The following EIF4EBP2 variants were observed in gnomAD, a reference collection of about 807,000 sequenced individuals.
EIF4EBP2 encodes eukaryotic translation initiation factor 4E-binding protein 2.
In EIF4EBP2, 5 loss-of-function variants were observed where a neutral mutation model predicts 10.3. That is an observed-to-expected ratio of 0.48 (90% confidence interval 0.25 to 1.02). The LOEUF is 1.02. Among genes scored for constraint, EIF4EBP2 ranks in the 50% least tolerant of loss-of-function variants. The pLI, the probability that EIF4EBP2 is intolerant of heterozygous loss-of-function variation, is 0.15. For synonymous variants in EIF4EBP2, 67 were observed against 61.1 expected (o/e 1.10, Z -0.45); for missense variants, 188 against 162.2 (o/e 1.16, Z -0.86).
In EIF4EBP2 at chr10:70,427,691, A is replaced by G. The variant is rs1362864431; in HGVS notation, c.*5944A>G. On this transcript the variant is annotated 3_prime_UTR_variant, in exon 3 of 3. Transcript: ENST00000373218. ...TCTGCCTGCAGCCCTGGCAGACCATACTGTATGTCATGGATACCCAGTGGA... is the reference window on the plus strand; with the variant it reads ...TCTGCCTGCAGCCCTGGCAGACCATGCTGTATGTCATGGATACCCAGTGGA... 1 of 152,094 alleles carries G rather than the reference A, an allele frequency of 6.6e-6. No homozygotes were observed. Among genetic ancestry groups the G allele is most frequent in the Non-Finnish European group, 1.5e-5 (1 of 68,010 alleles). The allele number at this position is 152,094 out of a possible 1,614,324, so 9.4% of individuals were successfully genotyped here.
At chr10:70,421,507 C>T (rs1367005762) in intron 2 of EIF4EBP2, among the ~76,000 whole-genome samples, 1 of 152,092 alleles carries the variant, frequency 6.6e-6, no homozygotes, top group Non-Finnish European at 1.5e-5. Context: ...TGTCCTTTTC[C>T]CCAAAACTTC....
intron 1 of EIF4EBP2, among the ~76,000 whole-genome samples, chr10:70,416,665 ATTTTT>A (rs55809354): frequency 2.0e-5 from 2 of 101,336 alleles, no homozygotes; most frequent in African/African-American, 3.6e-5. Flanking sequence ...TAATTTTTTA[ATTTTT>A]TTTTTTTTTT....
chr10:70,418,206 G>T (rs1008164961), intron 1 of EIF4EBP2, among the ~76,000 whole-genome samples: 1 of 152,166 alleles, frequency 6.6e-6, no homozygotes, highest in African/African-American at 2.4e-5. Flanking sequence ...CCATGTAAGG[G>T]ACACAAAGAG....
intron 1 of EIF4EBP2, among the ~76,000 whole-genome samples, chr10:70,416,633 A>G (rs1318579260): frequency 6.7e-6 from 1 of 148,428 alleles, no homozygotes; most frequent in Non-Finnish European, 1.5e-5. Context: ...TAGAGTTACC[A>G]TATGACCCAG....
intron 1 of EIF4EBP2, among the ~76,000 whole-genome samples, chr10:70,417,955 T>C (rs77878721): frequency 0.015 from 2,354 of 152,308 alleles, 78 homozygotes; most frequent in East Asian, 0.12. Context: ...AAGTTGCTGA[T>C]TTCCAAACCC....
intron 1 of EIF4EBP2, among the ~76,000 whole-genome samples, chr10:70,409,542 AT>A (rs1041101730): frequency 6.6e-6 from 1 of 152,190 alleles, no homozygotes; most frequent in African/African-American, 2.4e-5. Flanking sequence ...AGTCCCTCAA[AT>A]TTAGTATCCT....
rs971531816 is a variant in EIF4EBP2, at chr10:70,422,094, A to G, written c.*347A>G. The G allele has an allele frequency of 2.0e-5, 5 of 250,390 alleles. No homozygotes were observed. The highest frequency in any genetic ancestry group is 2.3e-4 in the South Asian group (2 of 8,826). The allele number at this position is 250,390 out of a possible 1,614,324, so 15.5% of individuals were successfully genotyped here. A position where few individuals can be genotyped will look rare whatever the true frequency, so the allele number is the denominator to read the frequency against. ...CCTCATACCCTGTAATTTTGTCCCA[A>G]ATCAAATATCAACCTACCAACAACT... On this transcript the variant is annotated 3_prime_UTR_variant, in exon 3 of 3. Transcript: ENST00000373218.
At chr10:70,418,773 A>G (rs573642688) in intron 1 of EIF4EBP2, among the ~76,000 whole-genome samples, 3 of 152,296 alleles carry the variant, frequency 2.0e-5, no homozygotes, top group East Asian at 3.9e-4. Flanking sequence ...TTTTCAAAGC[A>G]AAGAGGTTGA....
rs979021706 is a variant in EIF4EBP2, at chr10:70,404,349, CCCG to C, written c.-41_-39del. 818 of 1,458,824 alleles carry C rather than the reference CCCG, an allele frequency of 5.6e-4. No individual in the cohort carries two copies. Among genetic ancestry groups the C allele is most frequent in the Admixed American group, 3.0e-3 (121 of 40,460 alleles). 90.4% of individuals were successfully genotyped at this position (1,458,824 alleles called of 1,614,324 possible). A position where few individuals can be genotyped will look rare whatever the true frequency, so the allele number is the denominator to read the frequency against. Reference sequence around the variant, plus strand: ...CCTGAGGAGCCGAAGCAGCCCCGGCCCCGCCGCCGCCGCCTGCCCGCCGGACAA... The same window carrying C: ...CCTGAGGAGCCGAAGCAGCCCCGGCCCCGCCGCCGCCTGCCCGCCGGACAA... On this transcript the variant is annotated 5_prime_UTR_variant, in exon 1 of 3. Transcript: ENST00000373218.
In EIF4EBP2 at chr10:70,421,885, T is replaced by G. The variant is rs1845161030; in HGVS notation, c.*138T>G. On this transcript the variant is annotated 3_prime_UTR_variant, in exon 3 of 3. Coordinates refer to ENST00000373218, the MANE Select transcript of EIF4EBP2 (RefSeq NM_004096.5). ...TACAGTCTCCACCTCCCCGTCTTCC[T>G]CTGGGTGCCAAATGATGGGAAGATG... The G allele has an allele frequency of 1.4e-6, 1 of 712,050 alleles. No individual in the cohort carries two copies. The highest frequency in any genetic ancestry group is 1.8e-5 in the African/African-American group (1 of 56,462). 44.1% of individuals were successfully genotyped at this position (712,050 alleles called of 1,614,324 possible). A position where few individuals can be genotyped will look rare whatever the true frequency, so the allele number is the denominator to read the frequency against.
chr10:70,405,856 A>G (rs894841734), intron 1 of EIF4EBP2, among the ~76,000 whole-genome samples: 14 of 152,300 alleles, frequency 9.2e-5, no homozygotes, highest in African/African-American at 3.1e-4. Flanking sequence ...TAAATGACCC[A>G]GGCAGAAGTT....
intron 2 of EIF4EBP2, 58 bp from the exon 3 acceptor site, chr10:70,421,658 A>G: frequency 1.3e-6 from 2 of 1,488,558 alleles, no homozygotes; most frequent in Non-Finnish European, 1.9e-6. Flanking sequence ...ATGACAGTTA[A>G]AACTGTTATG....
chr10:70,406,043 A>G (rs1281161556), intron 1 of EIF4EBP2, among the ~76,000 whole-genome samples: 4 of 152,118 alleles, frequency 2.6e-5, no homozygotes, highest in Non-Finnish European at 5.9e-5. Context: ...GTACAGTGGC[A>G]CGACCTCGGC....
At chr10:70,409,710 C>T (rs1185995492) in intron 1 of EIF4EBP2, among the ~76,000 whole-genome samples, 1 of 152,170 alleles carries the variant, frequency 6.6e-6, no homozygotes, top group East Asian at 1.9e-4. Context: ...TGAACTGCCC[C>T]CTTTTAGAAG....
rs1455004427 is a variant in EIF4EBP2 at position 70,423,758 on chromosome 10, C to T, written c.*2011C>T. The T allele has an allele frequency of 6.6e-6, 1 of 152,492 alleles. No homozygotes were observed. Among genetic ancestry groups the T allele is most frequent in the African/African-American group, 2.4e-5 (1 of 41,404 alleles). 9.4% of individuals were successfully genotyped at this position (152,492 alleles called of 1,614,324 possible). ...AATGTGAATAGTTCAGAGTGAAAAC[C>T]TTTTGTGATGGTTGATGTCTCAGGA... On this transcript the variant is annotated 3_prime_UTR_variant, in exon 3 of 3. Coordinates refer to ENST00000373218, the MANE Select transcript of EIF4EBP2 (RefSeq NM_004096.5).
chr10:70,407,460 G>A (rs1386371825), intron 1 of EIF4EBP2, among the ~76,000 whole-genome samples: 1 of 151,948 alleles, frequency 6.6e-6, no homozygotes, highest in African/African-American at 2.4e-5. Flanking sequence ...GGATCCCAAG[G>A]CAGAAGAATT....
Position 70,428,419 on chromosome 10 carries a change from C to T in EIF4EBP2, c.*6672C>T, listed in dbSNP as rs1409249335. On this transcript the variant is annotated 3_prime_UTR_variant, in exon 3 of 3. Coordinates refer to ENST00000373218, the MANE Select transcript of EIF4EBP2 (RefSeq NM_004096.5). The stretch of plus-strand genomic sequence containing the variant: ...CATGATGTGTTGTTCCCTCATCCCT[C>T]CCATCCATTTCACTGTGTGTGGATG... 6.6e-6 allele frequency: 1 copy of T among 152,174 alleles called. No individual in the cohort carries two copies. The highest frequency in any genetic ancestry group is 1.5e-5 in the Non-Finnish European group (1 of 68,038). The allele number at this position is 152,174 out of a possible 1,614,324, so 9.4% of individuals were successfully genotyped here. A position where few individuals can be genotyped will look rare whatever the true frequency, so the allele number is the denominator to read the frequency against.
Position 70,423,372 on chromosome 10 carries a change from A to C in EIF4EBP2, c.*1625A>C, listed in dbSNP as rs1845177691. ...TCTGCCTTGCTATGGGTTGTTCAAG[A>C]AAGCCTCATTCTTTTCTGTGACCCT... On this transcript the variant is annotated 3_prime_UTR_variant, in exon 3 of 3. Coordinates refer to ENST00000373218, the MANE Select transcript of EIF4EBP2 (RefSeq NM_004096.5). 6.6e-6 allele frequency: 1 copy of C among 152,616 alleles called. No homozygotes were observed. Among genetic ancestry groups the C allele is most frequent in the South Asian group, 2.1e-4 (1 of 4,832 alleles). 9.5% of individuals were successfully genotyped at this position (152,616 alleles called of 1,614,324 possible).
At position 70,422,921 on chromosome 10, in the gene EIF4EBP2, C is replaced by G. The variant is rs1310640037; in HGVS notation, c.*1174C>G. The stretch of plus-strand genomic sequence containing the variant: ...TAAGCATGGGCTTAAAAAATGTGTT[C>G]CTCCCAGTTTTCTTGCCTTTCCTGT... On this transcript the variant is annotated 3_prime_UTR_variant, in exon 3 of 3. Coordinates refer to ENST00000373218, the MANE Select transcript of EIF4EBP2 (RefSeq NM_004096.5). The G allele has an allele frequency of 6.6e-6, 1 of 152,030 alleles. No homozygotes were observed. Among genetic ancestry groups the G allele is most frequent in the Non-Finnish European group, 1.5e-5 (1 of 68,006 alleles). The allele number at this position is 152,030 out of a possible 1,614,324, so 9.4% of individuals were successfully genotyped here.
Sources: gnomAD v4.1 joint callset for allele counts (sites outside exome capture counted in the v4.1 genomes callset) on GRCh38, gnomAD v4.1.1 for gene constraint, MANE v1.5 for transcripts, NCBI Gene and HGNC (gene_info 2026-07-23, HGNC 2026-07-21) for gene names.